BNC2: variants seen among roughly 807,000 people sequenced by gnomAD.
The protein encoded by BNC2 is zinc finger protein basonuclin-2.
Under a neutral mutation model 76.3 loss-of-function variants are expected in BNC2, and 20 were observed. The ratio of observed to expected loss-of-function variants is 0.26; its 90% CI spans 0.18 to 0.38. BNC2 has a LOEUF of 0.38. Among genes scored for constraint, BNC2 ranks in the 10% least tolerant of loss-of-function variants. BNC2 has a pLI of 1.00. For missense variants in BNC2, 1,382 were observed against 1,399.8 expected (o/e 0.99, Z 0.20); for synonymous variants, 582 against 514.8 (o/e 1.13, Z -1.77).
chr9:16,862,897 A>G (rs1031536675), intron 1 of BNC2, among the ~76,000 whole-genome samples: 4 of 139,816 alleles, frequency 2.9e-5, no homozygotes, highest in African/African-American at 1.1e-4. Context: ...TCATCTATAT[A>G]TAGCTATATA....
chr9:16,550,796 G>T (rs1372445099), intron 5 of BNC2, among the ~76,000 whole-genome samples: 1 of 152,196 alleles, frequency 6.6e-6, no homozygotes, highest in Non-Finnish European at 1.5e-5. Context: ...CAAAACACTT[G>T]TTGGTTTGGA....
intron 1 of BNC2, among the ~76,000 whole-genome samples, chr9:16,858,726 G>C (rs1819323359): frequency 7.6e-6 from 1 of 131,072 alleles, no homozygotes; most frequent in Non-Finnish European, 1.9e-5. Flanking sequence ...GGTGCCTGTA[G>C]TCCCAGCTAC....
At chr9:16,681,376 G>A (rs1348917330) in intron 3 of BNC2, among the ~76,000 whole-genome samples, 2 of 152,156 alleles carry the variant, frequency 1.3e-5, no homozygotes, top group Non-Finnish European at 2.9e-5. Context: ...ATGTAGGGAT[G>A]TATTGCTTGT....
chr9:16,648,701 C>G (rs753836121), intron 3 of BNC2, among the ~76,000 whole-genome samples: 5 of 152,216 alleles, frequency 3.3e-5, no homozygotes, highest in Non-Finnish European at 7.3e-5. Context: ...AAACCACAAA[C>G]TATCACATTA....
chr9:16,719,648 A>T (rs967003106), intron 3 of BNC2, among the ~76,000 whole-genome samples: 16 of 152,358 alleles, frequency 1.1e-4, no homozygotes, highest in African/African-American at 3.8e-4. Flanking sequence ...AATATGTTTC[A>T]GTCTTGTCAA....
At chr9:16,580,429 T>C (rs1417547963) in intron 4 of BNC2, among the ~76,000 whole-genome samples, 1 of 152,118 alleles carries the variant, frequency 6.6e-6, no homozygotes, top group Non-Finnish European at 1.5e-5. Context: ...AAAATTAATA[T>C]CCTAGAAACA....
chr9:16,552,306 G>A (rs1209228052), intron 5 of BNC2, among the ~76,000 whole-genome samples: 1 of 152,154 alleles, frequency 6.6e-6, no homozygotes, highest in African/African-American at 2.4e-5. Flanking sequence ...TGCAAACAAA[G>A]GTAACGCAAG....
At chr9:16,762,756 A>T (rs1411298810) in intron 1 of BNC2, among the ~76,000 whole-genome samples, 1 of 152,320 alleles carries the variant, frequency 6.6e-6, no homozygotes, top group Non-Finnish European at 1.5e-5. Flanking sequence ...GATTCCACAG[A>T]ACATATTCTG....
chr9:16,585,943 G>T (rs1819756730), intron 3 of BNC2, among the ~76,000 whole-genome samples: 1 of 152,076 alleles, frequency 6.6e-6, no homozygotes, highest in African/African-American at 2.4e-5. Flanking sequence ...TATGCAGAAA[G>T]GAGCAGAGAG....
intron 3 of BNC2, among the ~76,000 whole-genome samples, chr9:16,677,919 T>C (rs1822700796): frequency 6.6e-6 from 1 of 152,144 alleles, no homozygotes; most frequent in South Asian, 2.1e-4. Flanking sequence ...ATTTTATAAT[T>C]TTACAAACTA....
chr9:16,776,794 T>G (rs56343038), intron 1 of BNC2, among the ~76,000 whole-genome samples: 69,977 of 152,106 alleles, frequency 0.46, 21,570 homozygotes, highest in Non-Finnish European at 0.69. Flanking sequence ...AAGGGTCAAT[T>G]GAAAGAAACG....
intron 1 of BNC2, among the ~76,000 whole-genome samples, chr9:16,759,468 T>C (rs1825490233): frequency 6.6e-6 from 1 of 152,094 alleles, no homozygotes; most frequent in Non-Finnish European, 1.5e-5. Flanking sequence ...TTGATAGAAG[T>C]TTATAAACTG....
intron 5 of BNC2, among the ~76,000 whole-genome samples, chr9:16,461,267 G>A (rs1821573601): frequency 6.6e-6 from 1 of 152,130 alleles, no homozygotes; most frequent in Non-Finnish European, 1.5e-5. Flanking sequence ...TTGGGGCTGT[G>A]TGTGTAAGAA....
At chr9:16,805,455 T>C (rs1319705207) in intron 1 of BNC2, among the ~76,000 whole-genome samples, 1 of 151,912 alleles carries the variant, frequency 6.6e-6, no homozygotes, top group East Asian at 1.9e-4. Context: ...GCCTCCCGAG[T>C]AGCTGGGATT....
chr9:16,445,059 G>C (rs924639709), intron 5 of BNC2, among the ~76,000 whole-genome samples: 2 of 152,176 alleles, frequency 1.3e-5, no homozygotes, highest in Admixed American at 1.3e-4. Context: ...GAGCAGGCAA[G>C]ATGGGGAGAA....
intron 3 of BNC2, among the ~76,000 whole-genome samples, chr9:16,691,698 A>G (rs1469742031): frequency 2.6e-5 from 4 of 151,430 alleles, no homozygotes; most frequent in Non-Finnish European, 5.9e-5. Context: ...TTTAATAGAG[A>G]TGGGGTTTCA....
At chr9:16,791,646 A>G (rs1817513863) in intron 1 of BNC2, among the ~76,000 whole-genome samples, 1 of 152,198 alleles carries the variant, frequency 6.6e-6, no homozygotes, top group Non-Finnish European at 1.5e-5. Flanking sequence ...ATAACAGATG[A>G]GAGGAGAAAT....
chr9:16,568,127 T>C lies in BNC2; in HGVS notation c.433+14856A>G, dbSNP rs112275369. On this transcript the variant is annotated intron_variant, in intron 4 of 6. Coordinates refer to ENST00000380672, the MANE Select transcript of BNC2 (RefSeq NM_017637.6). ...TCTGGGTCTCTTGCCTCAACTCCCTTTAGAATTCCAAATTACAAGCATCAA... is the reference window on the plus strand; with the variant it reads ...TCTGGGTCTCTTGCCTCAACTCCCTCTAGAATTCCAAATTACAAGCATCAA... Among the ~76,000 whole-genome samples the C allele has an allele frequency of 5.3e-5, 8 of 152,290 alleles. 1 individual carries two copies. The highest frequency in any genetic ancestry group is 1.9e-4 in the African/African-American group (8 of 41,574).
intron 5 of BNC2, among the ~76,000 whole-genome samples, chr9:16,499,599 A>G (rs10810571): frequency 0.25 from 35,717 of 144,056 alleles, 5,289 homozygotes; most frequent in African/African-American, 0.43. Flanking sequence ...GCACAATCTC[A>G]GCTCACTGTA....
Sources: gnomAD v4.1 joint callset for allele counts (sites outside exome capture counted in the v4.1 genomes callset) on GRCh38, gnomAD v4.1.1 for gene constraint, MANE v1.5 for transcripts, NCBI Gene and HGNC (gene_info 2026-07-23, HGNC 2026-07-21) for gene names.